Variants in CORO2B observed in about 807,000 individuals in gnomAD.
The protein encoded by CORO2B is coronin 2B.
A neutral mutation model predicts 58.8 loss-of-function variants in CORO2B; 26 were observed. The observed-to-expected ratio is 0.44, with a 90% CI of 0.32 to 0.61. The LOEUF is 0.61. CORO2B is among the 20% of genes least tolerant of loss of function. CORO2B has a pLI of 0.04. For missense variants in CORO2B, 460 were observed against 645.1 expected (o/e 0.71, Z 3.11); for synonymous variants, 242 against 253.8 (o/e 0.95, Z 0.44).
At chr15:68,531,548 G>GA in the CORO2B span, among the ~76,000 whole-genome samples, 2,256 of 67,476 alleles carry the variant, frequency 0.033, 22 homozygotes, top group Non-Finnish European at 0.053. Context: ...AGGAAGGAAG[G>GA]AAGGAAGGAA....
the CORO2B span, among the ~76,000 whole-genome samples, chr15:68,526,586 A>G: frequency 6.6e-5 from 10 of 152,080 alleles, no homozygotes; most frequent in African/African-American, 2.2e-4. Flanking sequence ...GCATTTTTCA[A>G]ATTTTTTGTT....
At chr15:68,555,062 T>C in the CORO2B span, among the ~76,000 whole-genome samples, 2 of 152,034 alleles carry the variant, frequency 1.3e-5, no homozygotes, top group African/African-American at 4.8e-5. Flanking sequence ...CTGCCCAGCA[T>C]CAAGGCAGGC....
intron 2 of CORO2B, among the ~76,000 whole-genome samples, chr15:68,672,159 G>GGTGTGT (rs60989044): frequency 0.011 from 1,666 of 146,280 alleles, 38 homozygotes; most frequent in African/African-American, 0.039. Flanking sequence ...GTAATCGGGA[G>GGTGTGT]GTGTGTGTGT....
At chr15:68,640,662 G>A (rs947334352) in intron 1 of CORO2B, among the ~76,000 whole-genome samples, 5 of 152,148 alleles carry the variant, frequency 3.3e-5, no homozygotes, top group Admixed American at 6.5e-5. Context: ...ATTTAAACAC[G>A]GGCTGGGCAT....
At chr15:68,694,066 C>A (rs776231379) in intron 2 of CORO2B, among the ~76,000 whole-genome samples, 5 of 152,112 alleles carry the variant, frequency 3.3e-5, no homozygotes, top group African/African-American at 1.2e-4. Context: ...AAACTCCTGA[C>A]GTCAGGTGAT....
chr15:68,585,793 A>G (rs1402573558), intron 1 of CORO2B, among the ~76,000 whole-genome samples: 1 of 152,132 alleles, frequency 6.6e-6, no homozygotes, highest in Non-Finnish European at 1.5e-5. Context: ...TGGAGCTAGG[A>G]GTCATGTAAA....
At chr15:68,680,634 G>A (rs73425186) in intron 2 of CORO2B, among the ~76,000 whole-genome samples, 2,856 of 152,266 alleles carry the variant, frequency 0.019, 98 homozygotes, top group African/African-American at 0.066. Flanking sequence ...AGACACTGGG[G>A]TTATAGCAGA....
At chr15:68,593,710 C>T (rs934126708) in intron 1 of CORO2B, among the ~76,000 whole-genome samples, 1 of 151,882 alleles carries the variant, frequency 6.6e-6, no homozygotes, top group African/African-American at 2.4e-5. Context: ...GTTTGTCTGC[C>T]CCTTGATAGT....
At chr15:68,668,376 A>T (rs1358479929) in intron 2 of CORO2B, among the ~76,000 whole-genome samples, 3 of 151,934 alleles carry the variant, frequency 2.0e-5, no homozygotes, top group Admixed American at 2.0e-4. Flanking sequence ...CAGTCAGGAG[A>T]CAAACAATGA....
chr15:68,532,126 C>A, the CORO2B span, among the ~76,000 whole-genome samples: 2 of 151,910 alleles, frequency 1.3e-5, no homozygotes, highest in Admixed American at 1.3e-4. Context: ...TCATGATGTA[C>A]CTTTGGGGTT....
the CORO2B span, among the ~76,000 whole-genome samples, chr15:68,566,413 C>T: frequency 2.6e-5 from 4 of 152,180 alleles, no homozygotes; most frequent in Non-Finnish European, 5.9e-5. Flanking sequence ...CCGATCACCA[C>T]CCAAAATATC....
intron 1 of CORO2B, among the ~76,000 whole-genome samples, chr15:68,601,265 G>A (rs1037043336): frequency 5.9e-5 from 9 of 152,222 alleles, no homozygotes; most frequent in Admixed American, 1.3e-4. Context: ...ATGTAGAGAT[G>A]GTTGAGATAC....
intron 1 of CORO2B, among the ~76,000 whole-genome samples, chr15:68,644,688 T>C (rs1259416387): frequency 2.0e-5 from 3 of 152,152 alleles, no homozygotes; most frequent in Non-Finnish European, 2.9e-5. Flanking sequence ...TTCTTGCACG[T>C]GGAGAGACAT....
chr15:68,613,958 G>T (rs1428796202), intron 1 of CORO2B, among the ~76,000 whole-genome samples: 2 of 152,216 alleles, frequency 1.3e-5, no homozygotes, highest in Non-Finnish European at 2.9e-5. Context: ...GGGTTGTTCA[G>T]TTAGCCACCA....
At position 68,599,286 on chromosome 15, in the gene CORO2B, T is replaced by C. The variant is rs112690984; in HGVS notation, c.15+20009T>C. Among the ~76,000 whole-genome samples, 21 of 152,350 alleles carry C rather than the reference T, an allele frequency of 1.4e-4. 1 individual carries two copies. Among genetic ancestry groups the C allele is most frequent in the African/African-American group, 5.1e-4 (21 of 41,572 alleles). ...ACTGCTCTGATGAGATAGTTATATCTGAACATGTCTTGTCTCTCCTGCCAG... is the reference window on the plus strand; with the variant it reads ...ACTGCTCTGATGAGATAGTTATATCCGAACATGTCTTGTCTCTCCTGCCAG... On this transcript the variant is annotated intron_variant, in intron 1 of 11. Coordinates refer to ENST00000261861, the MANE Select transcript of CORO2B (RefSeq NM_006091.5).
intron 1 of CORO2B, among the ~76,000 whole-genome samples, chr15:68,644,341 T>G (rs571251930): frequency 7.9e-5 from 12 of 152,264 alleles, no homozygotes; most frequent in African/African-American, 2.9e-4. Context: ...ATTCAGTAGG[T>G]CTAGATTGGG....
chr15:68,715,162 G>A, intron 7 of CORO2B, 53 bp from the exon 8 acceptor site: 19 of 1,514,266 alleles, frequency 1.3e-5, no homozygotes, highest in Non-Finnish European at 1.6e-5. Flanking sequence ...ACCAGGCCCT[G>A]CTCTGCCCTC....
chr15:68,687,817 C>A (rs1903035874), intron 2 of CORO2B, among the ~76,000 whole-genome samples: 1 of 152,180 alleles, frequency 6.6e-6, no homozygotes, highest in African/African-American at 2.4e-5. Context: ...AAGAGAAGAC[C>A]AAACTCACTT....
intron 3 of CORO2B, among the ~76,000 whole-genome samples, chr15:68,707,672 G>A (rs924165211): frequency 3.9e-5 from 6 of 152,204 alleles, no homozygotes; most frequent in African/African-American, 1.4e-4. Context: ...TAAAAAGAAA[G>A]AAGTGTGTGT....
Sources: gnomAD v4.1 joint callset for allele counts (sites outside exome capture counted in the v4.1 genomes callset) on GRCh38, gnomAD v4.1.1 for gene constraint, MANE v1.5 for transcripts, NCBI Gene and HGNC (gene_info 2026-07-23, HGNC 2026-07-21) for gene names.